Variants in RBFOX3 observed in about 807,000 individuals in gnomAD.
RBFOX3 encodes RNA binding protein fox-1 homolog 3.
In RBFOX3, 17 loss-of-function variants were observed where a neutral mutation model predicts 48.7. The ratio of observed to expected loss-of-function variants is 0.35; its 90% CI spans 0.24 to 0.52. The LOEUF is 0.52. Among genes scored for constraint, RBFOX3 ranks in the 20% least tolerant of loss-of-function variants. RBFOX3 has a pLI of 0.94. For missense variants in RBFOX3, 382 were observed against 497.5 expected (o/e 0.77, Z 2.21); for synonymous variants, 212 against 209.5 (o/e 1.01, Z -0.10).
intron 2 of RBFOX3, among the ~76,000 whole-genome samples, chr17:79,310,731 C>T (rs1249076671): frequency 6.6e-6 from 1 of 152,210 alleles, no homozygotes. Context: ...ACAGACAAGT[C>T]ACCCCCAGCG....
intron 4 of RBFOX3, among the ~76,000 whole-genome samples, chr17:79,169,915 G>A (rs1294031960): frequency 1.3e-5 from 2 of 151,592 alleles, no homozygotes; most frequent in Admixed American, 1.3e-4. Flanking sequence ...AGGAAATGAA[G>A]AGAGGAAAGA....
At chr17:79,629,534 G>A in the RBFOX3 span, among the ~76,000 whole-genome samples, 1 of 152,188 alleles carries the variant, frequency 6.6e-6, no homozygotes, top group Admixed American at 6.5e-5. Flanking sequence ...TCATTCGCTT[G>A]CTGGTGGGAT....
intron 2 of RBFOX3, among the ~76,000 whole-genome samples, chr17:79,394,564 A>G (rs1598501410): frequency 6.6e-6 from 1 of 152,192 alleles, no homozygotes; most frequent in East Asian, 1.9e-4. Flanking sequence ...GCTGACAGTC[A>G]AGGCAGCACG....
At chr17:79,387,783 G>A (rs1423771963) in intron 2 of RBFOX3, among the ~76,000 whole-genome samples, 1 of 152,230 alleles carries the variant, frequency 6.6e-6, no homozygotes, top group Non-Finnish European at 1.5e-5. Context: ...TGGGCACTTG[G>A]AGTTCAAGGG....
chr17:79,170,106 AAGG>A (rs1473080703), intron 4 of RBFOX3, among the ~76,000 whole-genome samples: 1 of 143,604 alleles, frequency 7.0e-6, no homozygotes, highest in Non-Finnish European at 1.5e-5. Flanking sequence ...GAAAGCAGGA[AAGG>A]AGGAGGAAGG....
chr17:79,165,307 A>G (rs1478320132), intron 4 of RBFOX3, among the ~76,000 whole-genome samples: 2 of 152,230 alleles, frequency 1.3e-5, no homozygotes, highest in Non-Finnish European at 2.9e-5. Context: ...CTCATTTGAA[A>G]GTTAATTAGT....
intron 4 of RBFOX3, among the ~76,000 whole-genome samples, chr17:79,142,421 C>T (rs2042092017): frequency 6.6e-6 from 1 of 152,160 alleles, no homozygotes; most frequent in African/African-American, 2.4e-5. Flanking sequence ...GACCCTGTTG[C>T]CCACGGCTGA....
intron 4 of RBFOX3, among the ~76,000 whole-genome samples, chr17:79,160,587 A>T (rs1328459187): frequency 6.6e-6 from 1 of 152,054 alleles, no homozygotes; most frequent in Non-Finnish European, 1.5e-5. Flanking sequence ...CCACCTGCCC[A>T]CTCTCAAACA....
In RBFOX3 at chr17:79,332,739, G is replaced by GA. The variant is rs540799824; in HGVS notation, c.-174-24916_-174-24915insT. Among the ~76,000 whole-genome samples the GA allele has an allele frequency of 3.0e-3, 361 of 120,482 alleles. 1 individual carries two copies. Among genetic ancestry groups the GA allele is most frequent in the African/African-American group, 9.6e-3 (339 of 35,494 alleles). 79.0% of individuals were successfully genotyped at this position (120,482 alleles called of 152,430 possible). On this transcript the variant is annotated intron_variant, in intron 2 of 14. Coordinates refer to ENST00000693108, the MANE Select transcript of RBFOX3 (RefSeq NM_001350451.2). ...AGACAGAGCCTGAGAGACAAAGAGA[G>GA]CAGAGACACAGAGAGAGACAGAGAG...
chr17:79,505,008 C>T (rs1458936990), intron 1 of RBFOX3, among the ~76,000 whole-genome samples: 1 of 152,186 alleles, frequency 6.6e-6, no homozygotes, highest in African/African-American at 2.4e-5. Flanking sequence ...CTAGTGAGAG[C>T]TGGCACCCAA....
intron 3 of RBFOX3, among the ~76,000 whole-genome samples, chr17:79,287,482 T>G (rs879348994): frequency 2.6e-5 from 4 of 152,174 alleles, no homozygotes; most frequent in Non-Finnish European, 5.9e-5. Flanking sequence ...TCCAGCTCAG[T>G]GTCTCCCCTT....
intron 1 of RBFOX3, among the ~76,000 whole-genome samples, chr17:79,562,605 G>A (rs953457142): frequency 1.3e-5 from 2 of 152,134 alleles, no homozygotes; most frequent in African/African-American, 4.8e-5. Flanking sequence ...GACGTCCCCC[G>A]CAGCTTCTGA....
intron 4 of RBFOX3, among the ~76,000 whole-genome samples, chr17:79,153,461 G>C (rs74661802): frequency 4.6e-5 from 7 of 152,126 alleles, no homozygotes; most frequent in Non-Finnish European, 1.0e-4. Flanking sequence ...GCTAAGCCTC[G>C]GTGTCAGGGC....
At chr17:79,211,701 C>G (rs976797923) in intron 4 of RBFOX3, among the ~76,000 whole-genome samples, 1 of 152,174 alleles carries the variant, frequency 6.6e-6, no homozygotes, top group Non-Finnish European at 1.5e-5. Flanking sequence ...CAGGGCTGTA[C>G]CCCGGTCCAT....
chr17:79,344,978 T>C (rs2082665220), intron 2 of RBFOX3, among the ~76,000 whole-genome samples: 1 of 152,242 alleles, frequency 6.6e-6, no homozygotes, highest in African/African-American at 2.4e-5. Context: ...CACTTGCCTG[T>C]CCTCAGACCA....
intron 3 of RBFOX3, among the ~76,000 whole-genome samples, chr17:79,286,729 C>T (rs767978206): frequency 5.3e-5 from 8 of 152,154 alleles, no homozygotes; most frequent in Non-Finnish European, 1.0e-4. Context: ...AAGGGTAGGG[C>T]CCTAAAGAGG....
intron 1 of RBFOX3, among the ~76,000 whole-genome samples, chr17:79,568,005 G>A (rs2092532247): frequency 6.6e-6 from 1 of 152,200 alleles, no homozygotes; most frequent in Non-Finnish European, 1.5e-5. Flanking sequence ...CTTCTAGGAT[G>A]CTCCCAGAAC....
intron 2 of RBFOX3, among the ~76,000 whole-genome samples, chr17:79,442,985 C>A (rs1419511301): frequency 6.6e-6 from 1 of 152,224 alleles, no homozygotes; most frequent in East Asian, 1.9e-4. Flanking sequence ...CAGCGCCCAG[C>A]AGCTCGGCAT....
Position 79,090,848 on chromosome 17 carries a change from C to A in RBFOX3, c.*35G>T. On this transcript the variant is annotated 3_prime_UTR_variant, in exon 15 of 15. Coordinates refer to ENST00000693108, the MANE Select transcript of RBFOX3 (RefSeq NM_001350451.2). ...GATTTTTTTTGTTTTTTTGTTTTTG[C>A]CCTTCATGGTCCGAGAAGGAAACGG... The A allele has an allele frequency of 2.7e-6, 4 of 1,491,652 alleles. No individual in the cohort carries two copies. The highest frequency in any genetic ancestry group is 3.6e-6 in the Non-Finnish European group (4 of 1,121,590). 92.4% of individuals were successfully genotyped at this position (1,491,652 alleles called of 1,614,324 possible). A position where few individuals can be genotyped will look rare whatever the true frequency, so the allele number is the denominator to read the frequency against.
Sources: gnomAD v4.1 joint callset for allele counts (sites outside exome capture counted in the v4.1 genomes callset) on GRCh38, gnomAD v4.1.1 for gene constraint, MANE v1.5 for transcripts, NCBI Gene and HGNC (gene_info 2026-07-23, HGNC 2026-07-21) for gene names.